The following YARS2 variants were observed in gnomAD, a reference collection of about 807,000 sequenced individuals.
The protein encoded by YARS2 is tyrosine--tRNA ligase, mitochondrial.
A neutral mutation model predicts 45.0 loss-of-function variants in YARS2; 38 were observed. The ratio of observed to expected loss-of-function variants is 0.84; its 90% CI spans 0.65 to 1.11. The LOEUF is 1.11. Ranked by LOEUF, YARS2 falls within the 50% of genes least tolerant of loss-of-function variation. The pLI, the probability that YARS2 is intolerant of heterozygous loss-of-function variation, is 0.00. For missense variants in YARS2, 602 were observed against 599.8 expected (o/e 1.00, Z -0.04); for synonymous variants, 287 against 245.1 (o/e 1.17, Z -1.60).
Position 32,746,824 on chromosome 12 carries a change from C to G in YARS2, c.*380G>C, listed in dbSNP as rs1306018223. Reference sequence around the variant, plus strand: ...AAGTGCTGGGATTACAGGTGTGAGCCACCATGCCCAGCCTCACAATTCCTT... The same window carrying G: ...AAGTGCTGGGATTACAGGTGTGAGCGACCATGCCCAGCCTCACAATTCCTT... On this transcript the variant is annotated 3_prime_UTR_variant, in exon 5 of 5. Transcript: ENST00000324868. The G allele has an allele frequency of 1.5e-5, 3 of 206,118 alleles. No individual in the cohort carries two copies. Among genetic ancestry groups the G allele is most frequent in the African/African-American group, 7.1e-5 (3 of 41,990 alleles). The allele number at this position is 206,118 out of a possible 1,614,324, so 12.8% of individuals were successfully genotyped here. A position where few individuals can be genotyped will look rare whatever the true frequency, so the allele number is the denominator to read the frequency against.
intron 2 of YARS2, among the ~76,000 whole-genome samples, chr12:32,753,367 T>A (rs1355210039): frequency 1.3e-5 from 2 of 152,272 alleles, no homozygotes; most frequent in Admixed American, 1.3e-4. Flanking sequence ...CTCAATAGCA[T>A]CTTTTAATAT....
chr12:32,755,563 C>A lies in YARS2; in HGVS notation c.312G>T (p.Ala104=). 1 of 1,613,770 alleles carries A rather than the reference C, an allele frequency of 6.2e-7. No individual in the cohort carries two copies. Among genetic ancestry groups the A allele is most frequent in the East Asian group, 2.2e-5 (1 of 44,880 alleles). The part of the protein sequence containing the change: ...ALLGLFHLQR[A]GHNVIALVGG... The stretch of plus-strand genomic sequence containing the variant: ...CCACCAGCGCGATCACGTTGTGGCC[C>A]GCTCGCTGCAAATGAAACAGGCCCA... The change falls in exon 1 of 5, where the codon GCG becomes GCT. Residue 104 remains alanine, a synonymous_variant. Coordinates refer to ENST00000324868, the MANE Select transcript of YARS2 (RefSeq NM_001040436.3).
Position 32,755,716 on chromosome 12 carries a change from C to T in YARS2, c.159G>A (p.Pro53=), listed in dbSNP as rs1955835773. Reference sequence around the variant, plus strand: ...GGAGCTCTATTTTCGTCCCCGTCTCCGGGAAGAAGTCCTTGAACAGACCTC... The same window carrying T: ...GGAGCTCTATTTTCGTCCCCGTCTCTGGGAAGAAGTCCTTGAACAGACCTC... ...KARGLFKDFF[P]ETGTKIELPE... Residue 53 remains proline, a synonymous_variant, in exon 1 of 5, where the codon CCG becomes CCA. Coordinates refer to ENST00000324868, the MANE Select transcript of YARS2 (RefSeq NM_001040436.3). 6.2e-7 allele frequency: 1 copy of T among 1,614,226 alleles called. No homozygotes were observed.
At position 32,752,851 on chromosome 12, in the gene YARS2, A is replaced by C. The variant is rs183333996; in HGVS notation, c.947+1067T>G. On this transcript the variant is annotated intron_variant, in intron 2 of 4. Transcript: ENST00000324868. ...AATCTAAAGAGAAAAAAACACAATT[A>C]CCAAAATTTTGTAATAAGGCATGAT... 984 of 286,542 alleles carry C rather than the reference A, an allele frequency of 3.4e-3. 13 individuals are homozygous for C. Among genetic ancestry groups the C allele is most frequent in the South Asian group, 0.016 (518 of 32,546 alleles). The allele number at this position is 286,542 out of a possible 1,614,324, so 17.7% of individuals were successfully genotyped here. A position where few individuals can be genotyped will look rare whatever the true frequency, so the allele number is the denominator to read the frequency against.
Position 32,750,620 on chromosome 12 carries a change from G to C in YARS2, c.1103+99C>G, listed in dbSNP as rs543049626. On this transcript the variant is annotated intron_variant, in intron 3 of 4. Transcript: ENST00000324868. ...GCTAAGTCAAATACTGACAGTCCTT[G>C]TGATAAATGACAAGATAATCCTAAA... 7.9e-4 allele frequency: 1,184 copies of C among 1,494,048 alleles called. 1 individual carries two copies. Among genetic ancestry groups the C allele is most frequent in the South Asian group, 1.3e-3 (114 of 87,204 alleles). 92.5% of individuals were successfully genotyped at this position (1,494,048 alleles called of 1,614,324 possible).
At chr12:32,754,341 C>T (rs1379824495) in intron 1 of YARS2, among the ~76,000 whole-genome samples, 1 of 152,116 alleles carries the variant, frequency 6.6e-6, no homozygotes, top group Non-Finnish European at 1.5e-5. Flanking sequence ...TTTTGAAAGG[C>T]TGAGTGGGAA....
At position 32,749,934 on chromosome 12, in the gene YARS2, T is replaced by G; in HGVS notation, c.1274+3A>C. 6.2e-7 allele frequency: 1 copy of G among 1,614,050 alleles called. No homozygotes were observed. Among genetic ancestry groups the G allele is most frequent in the Non-Finnish European group, 8.5e-7 (1 of 1,179,962 alleles). On this transcript the variant is annotated splice_donor_region_variant and intron_variant, in intron 4 of 4. Transcript: ENST00000324868. The stretch of plus-strand genomic sequence containing the variant: ...TGTAAATCTAAAAGTTAAATAATCT[T>G]ACCCTCGGGGACCATCTGGAATGGC...
At chr12:32,750,950 G>A (rs1322067358) in intron 2 of YARS2, 76 bp from the exon 3 acceptor site, 13 of 1,534,640 alleles carry the variant, frequency 8.5e-6, no homozygotes, top group Non-Finnish European at 1.1e-5. Flanking sequence ...ACCCTTTAAG[G>A]TTATCCTGCT....
chr12:32,750,896 G>C, intron 2 of YARS2, 22 bp from the exon 3 acceptor site: 3 of 1,612,768 alleles, frequency 1.9e-6, no homozygotes, highest in Non-Finnish European at 2.5e-6. Context: ...AAAATAAAGA[G>C]TTACACTTAT....
chr12:32,754,743 T>A lies in YARS2; in HGVS notation c.779+353A>T, dbSNP rs1198359749. Among the ~76,000 whole-genome samples the A allele has an allele frequency of 3.5e-5, 5 of 141,508 alleles. No individual in the cohort carries two copies. In the East Asian group the frequency reaches 8.4e-4, roughly 24 times the overall value. The allele number at this position is 141,508 out of a possible 152,430, so 92.8% of individuals were successfully genotyped here. A position where few individuals can be genotyped will look rare whatever the true frequency, so the allele number is the denominator to read the frequency against. ...TTTTTTTTTTTTTTGAGACGGAGTC[T>A]CCCTCTGTTGCCCCAGGCTGGAGTG... On this transcript the variant is annotated intron_variant, in intron 1 of 4. Coordinates refer to ENST00000324868, the MANE Select transcript of YARS2 (RefSeq NM_001040436.3).
Position 32,753,920 on chromosome 12 carries a change from T to G in YARS2, c.945A>C (p.Glu315Asp). 1.9e-6 allele frequency: 3 copies of G among 1,614,212 alleles called. No individual in the cohort carries two copies. The highest frequency in any genetic ancestry group is 2.5e-6 in the Non-Finnish European group (3 of 1,180,036). ...FFVRQPDDSVERYLKLFTFLP... is the reference protein window; with the variant it reads ...FFVRQPDDSVDRYLKLFTFLP... ...TCAGCCCATTATTCAGAACTCACCTTTCCACTGAATCGTCCGGTTGCCTGA... is the reference window on the plus strand; with the variant it reads ...TCAGCCCATTATTCAGAACTCACCTGTCCACTGAATCGTCCGGTTGCCTGA... The change falls in exon 2 of 5, where the codon GAA (glutamate) becomes GAC (aspartate). Residue 315 changes from glutamate (E) to aspartate (D), a missense_variant and splice_region_variant. Coordinates refer to ENST00000324868, the MANE Select transcript of YARS2 (RefSeq NM_001040436.3).
rs762813092 is a variant in YARS2, at chr12:32,755,241, C to A, written c.634G>T (p.Glu212Ter). 2.4e-5 allele frequency: 38 copies of A among 1,614,038 alleles called. No individual in the cohort carries two copies. In the Admixed American group the frequency reaches 6.0e-4, roughly 25 times the overall value. ...QSVQLRLKSP[E>*]GMSLAEFFYQ... Reference sequence around the variant, plus strand: ...AAGAACTCGGCCAAGCTCATGCCCTCGGGGCTCTTGAGCCGCAGCTGCACG... The same window carrying A: ...AAGAACTCGGCCAAGCTCATGCCCTAGGGGCTCTTGAGCCGCAGCTGCACG... The change falls in exon 1 of 5, where the codon GAG becomes TAG. Residue 212 changes from glutamate (E) to a stop codon, truncating the protein, a stop_gained. Coordinates refer to ENST00000324868, the MANE Select transcript of YARS2 (RefSeq NM_001040436.3). LOFTEE classifies it high-confidence loss of function.
intron 2 of YARS2, among the ~76,000 whole-genome samples, chr12:32,751,683 C>T (rs144663432): frequency 1.6e-3 from 246 of 152,298 alleles, no homozygotes; most frequent in African/African-American, 5.7e-3. Context: ...AACTGTTCCA[C>T]TTCAGATCAT....
At chr12:32,750,280 C>T (rs1468522835) in intron 3 of YARS2, among the ~76,000 whole-genome samples, 173 bp from the exon 4 acceptor site, 1 of 152,164 alleles carries the variant, frequency 6.6e-6, no homozygotes, top group East Asian at 1.9e-4. Flanking sequence ...CGGCTCACAG[C>T]AACCTCTGCC....
chr12:32,753,605 G>C (rs1204217479), intron 2 of YARS2, among the ~76,000 whole-genome samples: 1 of 152,130 alleles, frequency 6.6e-6, no homozygotes, highest in East Asian at 1.9e-4. Context: ...GGAAAAATAA[G>C]GGTAGTCAAG....
In YARS2 at chr12:32,747,168, G is replaced by C. The variant is rs775951624; in HGVS notation, c.*36C>G. 6.2e-7 allele frequency: 1 copy of C among 1,608,260 alleles called. No individual in the cohort carries two copies. Among genetic ancestry groups the C allele is most frequent in the Non-Finnish European group, 8.5e-7 (1 of 1,177,172 alleles). ...TTCAGAGGTCTTGAGAATGAATGAT[G>C]GGTAAGTTTATTTGGACAACCAGAA... On this transcript the variant is annotated 3_prime_UTR_variant, in exon 5 of 5. Transcript: ENST00000324868.
intron 4 of YARS2, among the ~76,000 whole-genome samples, chr12:32,749,510 TC>T (rs1169232968): frequency 2.6e-5 from 4 of 152,212 alleles, no homozygotes; most frequent in Non-Finnish European, 5.9e-5. Flanking sequence ...AACTAACTTT[TC>T]TAAGGAAGAG....
At chr12:32,752,444 A>G (rs989863026) in intron 2 of YARS2, among the ~76,000 whole-genome samples, 21 of 152,130 alleles carry the variant, frequency 1.4e-4, no homozygotes, top group Admixed American at 1.3e-4. Flanking sequence ...AGAAAATGCA[A>G]TTTTTGAAAA....
chr12:32,755,438 AG>A lies in YARS2; in HGVS notation c.436del (p.Leu146Ter). On this transcript the variant is annotated frameshift_variant, in exon 1 of 5. Coordinates refer to ENST00000324868, the MANE Select transcript of YARS2 (RefSeq NM_001040436.3). LOFTEE classifies it high-confidence loss of function. ...RVRANARALR[L>X]GLEALAANHQ... ...ATTAGCCGCCAGGGCCTCAAGCCCT[AG>A]GCGCAGAGCTCGCGCGTTGGCTCGC... 1 of 1,613,262 alleles carries A rather than the reference AG, an allele frequency of 6.2e-7. No individual in the cohort carries two copies. Among genetic ancestry groups the A allele is most frequent in the Non-Finnish European group, 8.5e-7 (1 of 1,179,818 alleles).
Sources: gnomAD v4.1 joint callset for allele counts (sites outside exome capture counted in the v4.1 genomes callset) on GRCh38, gnomAD v4.1.1 for gene constraint, MANE v1.5 for transcripts, NCBI Gene and HGNC (gene_info 2026-07-23, HGNC 2026-07-21) for gene names.